Variants in SRFBP1 observed in about 807,000 individuals in gnomAD.
SRFBP1 encodes the protein serum response factor binding protein 1.
A neutral mutation model predicts 45.5 loss-of-function variants in SRFBP1; 47 were observed. The ratio of observed to expected loss-of-function variants is 1.03; its 90% CI spans 0.82 to 1.32. The LOEUF (loss-of-function observed/expected upper bound fraction) is 1.32. Ranked by LOEUF, SRFBP1 falls within the 40% of genes most tolerant of loss-of-function variation. SRFBP1 has a pLI of 0.00. For missense variants in SRFBP1, 621 were observed against 484.6 expected (o/e 1.28, Z -2.64); for synonymous variants, 203 against 166.3 (o/e 1.22, Z -1.70).
At chr5:121,986,994 G>A (rs185178050) in intron 3 of SRFBP1, among the ~76,000 whole-genome samples, 1 of 152,140 alleles carries the variant, frequency 6.6e-6, no homozygotes, top group African/African-American at 2.4e-5. Flanking sequence ...CATTAAGGCC[G>A]AGTACTGAAA....
intron 2 of SRFBP1, among the ~76,000 whole-genome samples, chr5:122,043,707 G>T (rs1580541733): frequency 6.6e-6 from 1 of 151,956 alleles, no homozygotes; most frequent in African/African-American, 2.4e-5. Context: ...TTTAGAATAA[G>T]GGTCAGCAAA....
intron 7 of SRFBP1, among the ~76,000 whole-genome samples, chr5:122,026,462 G>T (rs551023965): frequency 3.3e-5 from 5 of 152,240 alleles, no homozygotes; most frequent in African/African-American, 1.2e-4. Context: ...AGACGGGAGT[G>T]GAATCAACTT....
chr5:121,990,259 G>A (rs553121701), intron 3 of SRFBP1, among the ~76,000 whole-genome samples: 11 of 152,270 alleles, frequency 7.2e-5, no homozygotes, highest in Admixed American at 2.0e-4. Flanking sequence ...GAATGAAATC[G>A]TGTCATTTGC....
chr5:122,012,352 ATAAT>A (rs1183236014), intron 4 of SRFBP1, among the ~76,000 whole-genome samples: 2 of 152,164 alleles, frequency 1.3e-5, no homozygotes, highest in African/African-American at 4.8e-5. Context: ...AAATCCTTAA[ATAAT>A]TGCTATGGTT....
intron 1 of SRFBP1, among the ~76,000 whole-genome samples, chr5:121,965,015 C>T (rs375652679): frequency 2.6e-5 from 4 of 152,098 alleles, no homozygotes; most frequent in East Asian, 3.9e-4. Flanking sequence ...CTGTTCATGT[C>T]CTTCGCCCAC....
chr5:122,022,219 G>A (rs1753342320), intron 6 of SRFBP1, 151 bp from the exon 7 acceptor site: 5 of 615,286 alleles, frequency 8.1e-6, no homozygotes, highest in Non-Finnish European at 1.4e-5. Context: ...GCTACAACCT[G>A]GGACTTTCAT....
intron 4 of SRFBP1, among the ~76,000 whole-genome samples, chr5:122,016,438 C>G (rs1160895016): frequency 6.6e-6 from 1 of 152,140 alleles, no homozygotes; most frequent in East Asian, 1.9e-4. Flanking sequence ...TATAGTTTGA[C>G]TTCCAGAATT....
chr5:122,074,450 G>T (rs1754555235), intron 2 of SRFBP1, among the ~76,000 whole-genome samples: 1 of 152,018 alleles, frequency 6.6e-6, no homozygotes, highest in South Asian at 2.1e-4. Flanking sequence ...AAATAGAAAT[G>T]GACAATAAAT....
intron 4 of SRFBP1, among the ~76,000 whole-genome samples, chr5:121,999,001 A>T (rs924695891): frequency 1.3e-5 from 2 of 151,838 alleles, no homozygotes; most frequent in African/African-American, 4.8e-5. Context: ...ACTTTCATTG[A>T]TTTTTGCTCC....
intron 2 of SRFBP1, chr5:122,065,267 A>G (rs1754269350): frequency 6.6e-6 from 1 of 152,096 alleles, no homozygotes; most frequent in Non-Finnish European, 1.5e-5. Context: ...TTGACTTTAC[A>G]ATTCTATGAC....
chr5:122,038,036 A>C (rs770648001), intron 2 of SRFBP1, among the ~76,000 whole-genome samples: 1 of 152,154 alleles, frequency 6.6e-6, no homozygotes, highest in Non-Finnish European at 1.5e-5. Context: ...AAAATCTCAT[A>C]TCTCCCACTC....
intron 3 of SRFBP1, among the ~76,000 whole-genome samples, chr5:121,983,583 T>C (rs1426557731): frequency 3.3e-5 from 5 of 151,804 alleles, no homozygotes. Flanking sequence ...TTAATATTTT[T>C]TGGTAAGATG....
chr5:122,059,630 C>G (rs17352097), intron 2 of SRFBP1, among the ~76,000 whole-genome samples: 10,847 of 152,132 alleles, frequency 0.071, 582 homozygotes, highest in Non-Finnish European at 0.11. Context: ...ATTCAAGCTT[C>G]CCATGTTACT....
chr5:121,968,387 A>G (rs1752118049), intron 1 of SRFBP1, among the ~76,000 whole-genome samples: 3 of 152,082 alleles, frequency 2.0e-5, no homozygotes, highest in African/African-American at 4.8e-5. Context: ...ACAATTTAAA[A>G]TTTATGAGTT....
At chr5:122,049,026 T>G (rs1342765360) in intron 2 of SRFBP1, among the ~76,000 whole-genome samples, 1 of 152,040 alleles carries the variant, frequency 6.6e-6, no homozygotes, top group African/African-American at 2.4e-5. Flanking sequence ...TTTGAAGGGT[T>G]TTTTTGTGTC....
At chr5:122,077,973 AGGC>A, downstream of SRFBP1, 8 of 1,462,030 alleles carry the variant, frequency 5.5e-6, no homozygotes, top group South Asian at 1.1e-4. This position sits in a 1 kb window ranked among gnomAD's most constrained non-coding sequence, Gnocchi z 4.9. Flanking sequence ...AGCACGGTCC[AGGC>A]GAAGCGCATC....
Position 121,994,613 on chromosome 5 carries a change from C to CTAAATCTGCTCTTGGTGATG in SRFBP1, c.213_214insTAAATCTGCTCTTGGTGATG (p.Ile72Ter), listed in dbSNP as rs1367060471. 6.3e-7 allele frequency: 1 copy of CTAAATCTGCTCTTGGTGATG among 1,595,576 alleles called. No individual in the cohort carries two copies. Among genetic ancestry groups the CTAAATCTGCTCTTGGTGATG allele is most frequent in the Non-Finnish European group, 8.5e-7 (1 of 1,172,054 alleles). On this transcript the variant is annotated stop_gained and frameshift_variant, in exon 4 of 8. Coordinates refer to ENST00000339397, the MANE Select transcript of SRFBP1 (RefSeq NM_152546.3). LOFTEE classifies it high-confidence loss of function. The stretch of plus-strand genomic sequence containing the variant: ...TTCTTTCACAGGAATTGAAACCTGA[C>CTAAATCTGCTCTTGGTGATG]ATAGTAACTAAATCTGCTCTTGGTG...
intron 4 of SRFBP1, among the ~76,000 whole-genome samples, chr5:122,011,107 A>T (rs1183584214): frequency 6.6e-6 from 1 of 152,146 alleles, no homozygotes; most frequent in Non-Finnish European, 1.5e-5. Context: ...AGTCCATCTG[A>T]TATTCAAAGT....
chr5:122,077,442 G>C (rs765860482), downstream of SRFBP1: 5 of 1,614,010 alleles, frequency 3.1e-6, no homozygotes, highest in South Asian at 4.4e-5. This position sits in a 1 kb window ranked among gnomAD's most constrained non-coding sequence, Gnocchi z 4.9. Flanking sequence ...TTGTAATAAG[G>C]GTTGTCGTCA....
Sources: gnomAD v4.1 joint callset for allele counts (sites outside exome capture counted in the v4.1 genomes callset) on GRCh38, gnomAD v4.1.1 for gene constraint, Gnocchi (gnomAD v3.1) non-coding constraint, MANE v1.5 for transcripts, NCBI Gene and HGNC (gene_info 2026-07-23, HGNC 2026-07-21) for gene names.